Variants in SLC44A1 observed in about 807,000 individuals in gnomAD.
SLC44A1 encodes the protein solute carrier family 44 member 1, also known as choline transporter-like protein 1.
In SLC44A1, 26 loss-of-function variants were observed where a neutral mutation model predicts 79.3. That is an observed-to-expected ratio of 0.33 (90% CI 0.24 to 0.46). The LOEUF is 0.46. Ranked by LOEUF, SLC44A1 falls within the 20% of genes least tolerant of loss-of-function variation. SLC44A1 has a pLI of 1.00. For missense variants in SLC44A1, 688 were observed against 798.1 expected, an observed-to-expected ratio of 0.86 and a Z score of 1.66; for synonymous variants, 263 against 286.2, an observed-to-expected ratio of 0.92 and a Z score of 0.82.
intron 15 of SLC44A1, among the ~76,000 whole-genome samples, chr9:105,432,428 G>A (rs1588882592): frequency 6.6e-6 from 1 of 152,174 alleles, no homozygotes; most frequent in Admixed American, 6.5e-5. Flanking sequence ...AGGTAGGAGT[G>A]GCAAGATATC....
chr9:105,353,163 T>C lies in SLC44A1; in HGVS notation c.501-3049T>C, dbSNP rs140522159. The stretch of plus-strand genomic sequence containing the variant: ...TAATTTTATACCTTTAAATTTAGAG[T>C]ATCAGGTTGTTGTTTTTTTTTAACT... On this transcript the variant is annotated intron_variant, in intron 5 of 15. Coordinates refer to ENST00000374720, the MANE Select transcript of SLC44A1 (RefSeq NM_080546.5). Among the ~76,000 whole-genome samples the C allele has an allele frequency of 1.6e-3, 244 of 152,246 alleles. 1 individual carries two copies. Among genetic ancestry groups the C allele is most frequent in the African/African-American group, 5.6e-3 (231 of 41,550 alleles).
chr9:105,401,805 G>C (rs1180288008), downstream of SLC44A1, among the ~76,000 whole-genome samples: 3 of 152,136 alleles, frequency 2.0e-5, 1 homozygote, highest in Non-Finnish European at 4.4e-5. Context: ...GACCTCTTCT[G>C]GTCAGCCAGA....
intron 3 of SLC44A1, among the ~76,000 whole-genome samples, chr9:105,312,669 T>A (rs1273292973): frequency 6.6e-6 from 1 of 152,240 alleles, no homozygotes; most frequent in African/African-American, 2.4e-5. Context: ...GATTGCTTTA[T>A]CTTTGCTAGT....
intron 2 of SLC44A1, chr9:105,300,001 C>T: frequency 3.2e-6 from 3 of 925,266 alleles, no homozygotes; most frequent in Non-Finnish European, 3.9e-6. Flanking sequence ...CTGACACAGA[C>T]TTCAGTGGCA....
chr9:105,282,574 A>T (rs1370875361), intron 1 of SLC44A1, among the ~76,000 whole-genome samples: 1 of 150,966 alleles, frequency 6.6e-6, no homozygotes, highest in Non-Finnish European at 1.5e-5. Context: ...TTTGAGATGG[A>T]GTCTTGCTCT....
chr9:105,328,259 A>G (rs1474414384), intron 3 of SLC44A1, among the ~76,000 whole-genome samples: 1 of 152,218 alleles, frequency 6.6e-6, no homozygotes, highest in African/African-American at 2.4e-5. Context: ...ATAAATAAGT[A>G]AAATACACAG....
intron 1 of SLC44A1, among the ~76,000 whole-genome samples, chr9:105,258,303 A>G (rs1005196306): frequency 6.6e-6 from 1 of 152,200 alleles, no homozygotes; most frequent in African/African-American, 2.4e-5. Context: ...GGAATTGAAG[A>G]CCCAGAACTG....
Position 105,362,967 on chromosome 9 carries a change from G to A in SLC44A1, c.1047G>A (p.Trp349Ter). The A allele has an allele frequency of 6.2e-7, 1 of 1,612,968 alleles. No individual in the cohort carries two copies. The highest frequency in any genetic ancestry group is 8.5e-7 in the Non-Finnish European group (1 of 1,179,616). ...CTTTCTTTGCTCTTGTCTTGTTTTG[G>A]GTGTACTGGATCATGACACTTCTTT... ...FWTFFALVLF[W>*]VYWIMTLLFL... The change falls in exon 9 of 16, where the codon TGG becomes TGA. Residue 349 changes from tryptophan to a stop codon, truncating the protein, a stop_gained. Coordinates refer to ENST00000374720, the MANE Select transcript of SLC44A1 (RefSeq NM_080546.5). LOFTEE classifies it high-confidence loss of function.
intron 13 of SLC44A1, among the ~76,000 whole-genome samples, chr9:105,376,162 A>G (rs1009717248): frequency 3.0e-4 from 45 of 152,258 alleles, no homozygotes; most frequent in African/African-American, 9.4e-4. Flanking sequence ...ATGGAGAAGT[A>G]TATATAGCAT....
intron 1 of SLC44A1, among the ~76,000 whole-genome samples, chr9:105,267,230 T>C (rs1257677524): frequency 6.6e-6 from 1 of 152,204 alleles, no homozygotes; most frequent in African/African-American, 2.4e-5. Flanking sequence ...CTAGGGTCGC[T>C]GTTGAAGTCT....
chr9:105,404,017 A>G (rs757283526), intron 15 of SLC44A1, among the ~76,000 whole-genome samples: 1 of 151,982 alleles, frequency 6.6e-6, no homozygotes, highest in Admixed American at 6.6e-5. Flanking sequence ...AGTGGGGAGT[A>G]TGGCATGGGG....
intron 3 of SLC44A1, among the ~76,000 whole-genome samples, chr9:105,318,348 T>C (rs1826267951): frequency 6.6e-6 from 1 of 152,058 alleles, no homozygotes; most frequent in Non-Finnish European, 1.5e-5. Context: ...ACCCAGCTAA[T>C]TTTTGTATTT....
At chr9:105,263,080 A>G (rs1829878362) in intron 1 of SLC44A1, among the ~76,000 whole-genome samples, 2 of 152,188 alleles carry the variant, frequency 1.3e-5, no homozygotes, top group East Asian at 1.9e-4. Flanking sequence ...GGAAATTGTC[A>G]CATGGAATCC....
intron 4 of SLC44A1, among the ~76,000 whole-genome samples, chr9:105,342,985 A>T (rs1553872): frequency 1.1e-3 from 150 of 137,434 alleles, no homozygotes; most frequent in South Asian, 4.8e-3. Flanking sequence ...TAAAAAAAAA[A>T]AAATATATAT....
In SLC44A1 at chr9:105,422,179, A is replaced by G. The variant is rs552329188; in HGVS notation, c.1951-16102A>G. ...CAAGTAGTTAGAAATTTCCCCTTAA[A>G]TCAGCAGGGTGGAAGCTGGTCCCTC... is the stretch of plus-strand genomic sequence containing the variant. On this transcript the variant is annotated intron_variant, in intron 15 of 15. Coordinates refer to the SLC44A1 transcript ENST00000374724. Among the ~76,000 whole-genome samples, 13 of 151,938 alleles carry G rather than the reference A, an allele frequency of 8.6e-5. No homozygotes were observed. The East Asian group carries it at 2.3e-3, about 27-fold the overall frequency.
chr9:105,336,004 A>G (rs1405511078), intron 4 of SLC44A1, among the ~76,000 whole-genome samples: 3 of 152,162 alleles, frequency 2.0e-5, no homozygotes, highest in Non-Finnish European at 4.4e-5. Context: ...AAACCACTCT[A>G]TGTAAAATTT....
intron 4 of SLC44A1, 23 bp from the exon 5 acceptor site, chr9:105,348,335 T>G: frequency 7.3e-7 from 1 of 1,364,872 alleles, no homozygotes; most frequent in Non-Finnish European, 1.0e-6. Flanking sequence ...TTCTGCCACC[T>G]AACATAATTT....
intron 1 of SLC44A1, among the ~76,000 whole-genome samples, chr9:105,259,801 T>C (rs1339427560): frequency 6.6e-6 from 1 of 152,248 alleles, no homozygotes; most frequent in Admixed American, 6.5e-5. Flanking sequence ...TTATGAAAGT[T>C]TGGAAATAAT....
At chr9:105,333,093 T>A (rs979505959) in intron 3 of SLC44A1, among the ~76,000 whole-genome samples, 1 of 152,158 alleles carries the variant, frequency 6.6e-6, no homozygotes, top group African/African-American at 2.4e-5. Flanking sequence ...CAAAGGAATA[T>A]GTTTTAAGGT....
Sources: gnomAD v4.1 joint callset for allele counts (sites outside exome capture counted in the v4.1 genomes callset) on GRCh38, gnomAD v4.1.1 for gene constraint, MANE v1.5 for transcripts, NCBI Gene and HGNC (gene_info 2026-07-23, HGNC 2026-07-21) for gene names.